Variants in SPECC1L observed in about 807,000 individuals in gnomAD.
SPECC1L encodes sperm antigen with calponin homology and coiled-coil domains 1 like.
SPECC1L carries 40 observed loss-of-function variants against 116.8 expected under a neutral mutation model. That is an observed-to-expected ratio of 0.34 (90% CI 0.27 to 0.45). The LOEUF (loss-of-function observed/expected upper bound fraction) is 0.45. Ranked by LOEUF, SPECC1L falls within the 20% of genes least tolerant of loss-of-function variation. The pLI is 1.00. For missense variants in SPECC1L, 1,110 were observed against 1,373.6 expected, an observed-to-expected ratio of 0.81 and a Z score of 3.03; for synonymous variants, 504 against 500.6, an observed-to-expected ratio of 1.01 and a Z score of -0.09.
chr22:24,413,294 T>C (rs898130572), intron 16 of SPECC1L, among the ~76,000 whole-genome samples: 2 of 152,188 alleles, frequency 1.3e-5, no homozygotes, highest in African/African-American at 4.8e-5. Context: ...CGAGCCCAAC[T>C]TTCCGGGAGA....
chr22:24,341,554 C>T (rs2041177624), intron 10 of SPECC1L, among the ~76,000 whole-genome samples: 1 of 152,092 alleles, frequency 6.6e-6, no homozygotes, highest in Non-Finnish European at 1.5e-5. Context: ...AAATAAGATG[C>T]AGAAGGACCA....
At chr22:24,287,245 A>AGG (rs2049060452) in intron 2 of SPECC1L, among the ~76,000 whole-genome samples, 1 of 152,080 alleles carries the variant, frequency 6.6e-6, no homozygotes, top group African/African-American at 2.4e-5. Flanking sequence ...AATGAGATGG[A>AGG]GGGATGGGTT....
chr22:24,317,672 T>C (rs1276287467), intron 4 of SPECC1L, among the ~76,000 whole-genome samples: 4 of 148,332 alleles, frequency 2.7e-5, no homozygotes, highest in African/African-American at 1.0e-4. Context: ...GACCCCCCCA[T>C]CTCCCTCCTG....
rs115120720 is a variant in SPECC1L, at chr22:24,407,111, C to T, written c.3088-4477C>T. Among the ~76,000 whole-genome samples the T allele has an allele frequency of 6.3e-3, 953 of 152,322 alleles. 10 individuals carry two copies. The highest frequency in any genetic ancestry group is 0.022 in the African/African-American group (923 of 41,568). On this transcript the variant is annotated intron_variant, in intron 14 of 16. Coordinates refer to ENST00000314328, the MANE Select transcript of SPECC1L (RefSeq NM_015330.6). Reference sequence around the variant, plus strand: ...TATCACATAGGGTGCCTTGGAGCCACGTGCAGCAGTCTGGCCTGGCTGCTC... The same window carrying T: ...TATCACATAGGGTGCCTTGGAGCCATGTGCAGCAGTCTGGCCTGGCTGCTC...
At chr22:24,325,538 GATTTATTT>G (rs56194800) in intron 6 of SPECC1L, among the ~76,000 whole-genome samples, 33,403 of 146,600 alleles carry the variant, frequency 0.23, 3,875 homozygotes, top group Admixed American at 0.3. Context: ...TACTTAAATG[GATTTATTT>G]ATTTATTTAT....
intron 11 of SPECC1L, among the ~76,000 whole-genome samples, chr22:24,362,357 G>C (rs2041662498): frequency 6.6e-6 from 1 of 152,140 alleles, no homozygotes; most frequent in Non-Finnish European, 1.5e-5. Context: ...GGGGACAGCT[G>C]GTGCCAATGC....
chr22:24,303,844 GGT>G (rs3031935), intron 3 of SPECC1L, among the ~76,000 whole-genome samples: 31,638 of 143,778 alleles, frequency 0.22, 3,629 homozygotes, highest in Admixed American at 0.28. Context: ...GTTTAAATAG[GGT>G]GTGTGTGTGT....
chr22:24,304,063 A>T (rs1052942624), intron 3 of SPECC1L, among the ~76,000 whole-genome samples: 5 of 151,710 alleles, frequency 3.3e-5, no homozygotes, highest in Admixed American at 2.6e-4. Context: ...GGGCTTTGAG[A>T]CCCCACAGTG....
chr22:24,315,437 G>A (rs920601275), intron 4 of SPECC1L, among the ~76,000 whole-genome samples: 1 of 152,270 alleles, frequency 6.6e-6, no homozygotes, highest in African/African-American at 2.4e-5. Flanking sequence ...ATTTATTGGG[G>A]ATCTGTTTTG....
At chr22:24,331,700 ATTG>A (rs758516159) in intron 8 of SPECC1L, among the ~76,000 whole-genome samples, 96 of 152,262 alleles carry the variant, frequency 6.3e-4, no homozygotes, top group African/African-American at 2.2e-3. Context: ...ATACCATCAC[ATTG>A]TTTGCCCTTT....
At position 24,415,431 on chromosome 22, in the gene SPECC1L, GTT is replaced by G. The variant is rs3833379; in HGVS notation, c.*811_*812del. 323 of 152,754 alleles carry G rather than the reference GTT, an allele frequency of 2.1e-3. 4 individuals are homozygous for G. In the East Asian group the frequency reaches 0.041, roughly 19 times the overall value. The allele number at this position is 152,754 out of a possible 1,614,324, so 9.5% of individuals were successfully genotyped here. A position where few individuals can be genotyped will look rare whatever the true frequency, so the allele number is the denominator to read the frequency against. ...AGGAGTTTTTCTAGTTAACATTTTT[GTT>G]TTGTTACGAGCAATGCTGGAAAAGG... On this transcript the variant is annotated 3_prime_UTR_variant, in exon 17 of 17. Coordinates refer to ENST00000314328, the MANE Select transcript of SPECC1L (RefSeq NM_015330.6).
intron 12 of SPECC1L, among the ~76,000 whole-genome samples, chr22:24,364,999 TTTTG>T (rs1175723858): frequency 4.6e-5 from 7 of 152,114 alleles, no homozygotes; most frequent in Admixed American, 2.6e-4. Context: ...TTCACAGTTT[TTTTG>T]TTTGTTTGTT....
chr22:24,339,213 C>T (rs1369399449), intron 10 of SPECC1L, among the ~76,000 whole-genome samples: 1 of 152,116 alleles, frequency 6.6e-6, no homozygotes, highest in East Asian at 1.9e-4. Flanking sequence ...TCTCCAGCTC[C>T]AAGAGACTGA....
chr22:24,301,905 G>T (rs1374266371), intron 2 of SPECC1L, among the ~76,000 whole-genome samples: 7 of 152,032 alleles, frequency 4.6e-5, no homozygotes, highest in Non-Finnish European at 1.0e-4. Flanking sequence ...AATTAGCCGG[G>T]CGTGGTGGTG....
chr22:24,343,829 A>T (rs1401370377), intron 10 of SPECC1L, among the ~76,000 whole-genome samples: 3 of 152,172 alleles, frequency 2.0e-5, no homozygotes, highest in African/African-American at 7.2e-5. Context: ...AAGTAAAATT[A>T]TTTAGGCAAA....
intron 10 of SPECC1L, among the ~76,000 whole-genome samples, chr22:24,344,945 A>T (rs1320319998): frequency 6.6e-6 from 1 of 152,222 alleles, no homozygotes; most frequent in East Asian, 1.9e-4. Context: ...ATCTTGTAGT[A>T]GTCTTTTAAA....
In SPECC1L at chr22:24,281,761, A is replaced by C. The variant is rs79080192; in HGVS notation, c.-38+4958A>C. On this transcript the variant is annotated intron_variant, in intron 2 of 16. Coordinates refer to ENST00000314328, the MANE Select transcript of SPECC1L (RefSeq NM_015330.6). The stretch of plus-strand genomic sequence containing the variant: ...GTTGTACTTTTTTCTTCCCACTCTG[A>C]ATGCCTTTTATTTGTTTTTCCTTCC... Among the ~76,000 whole-genome samples, 1,498 of 152,172 alleles carry C rather than the reference A, an allele frequency of 9.8e-3. 20 individuals are homozygous for C. The highest frequency in any genetic ancestry group is 0.034 in the African/African-American group (1,419 of 41,492).
chr22:24,384,158 T>C (rs2042117369), intron 14 of SPECC1L, among the ~76,000 whole-genome samples: 8 of 151,054 alleles, frequency 5.3e-5, no homozygotes, highest in Admixed American at 4.6e-4. Context: ...TTAAGACACA[T>C]ACAATTGGGT....
intron 1 of SPECC1L, among the ~76,000 whole-genome samples, chr22:24,272,109 G>T (rs1313170411): frequency 5.3e-5 from 8 of 152,216 alleles, no homozygotes; most frequent in Non-Finnish European, 1.5e-5. Flanking sequence ...GGCCAGGCGC[G>T]GTGCCTCATG....
Sources: allele counts gnomAD v4.1 joint callset (sites outside exome capture counted in the v4.1 genomes callset), GRCh38; gene constraint gnomAD v4.1.1; transcripts MANE v1.5; gene names NCBI Gene and HGNC (gene_info 2026-07-23, HGNC 2026-07-21).